CCBE1: variants seen among roughly 807,000 people sequenced by gnomAD.
CCBE1 encodes collagen and calcium binding EGF domains 1.
CCBE1 carries 37 observed loss-of-function variants against 50.0 expected under a neutral mutation model. That is an observed-to-expected ratio of 0.74 (90% CI 0.57 to 0.97). The LOEUF is 0.97. Ranked by LOEUF, CCBE1 falls within the 50% of genes least tolerant of loss-of-function variation. The probability of loss-of-function intolerance (pLI) is 0.00; values close to 1 mark genes in which losing one functional copy is unlikely to be tolerated. For missense variants in CCBE1, 538 were observed against 523.8 expected (o/e 1.03, Z -0.26); for synonymous variants, 234 against 203.7 (o/e 1.15, Z -1.27).
chr18:59,546,113 G>A (rs776438951), intron 2 of CCBE1, among the ~76,000 whole-genome samples: 4 of 152,200 alleles, frequency 2.6e-5, no homozygotes, highest in Admixed American at 1.3e-4. Flanking sequence ...TCACCAAAAC[G>A]TATGACATTC....
chr18:59,442,170 C>G (rs1302220812), intron 7 of CCBE1, among the ~76,000 whole-genome samples: 1 of 152,182 alleles, frequency 6.6e-6, no homozygotes. Flanking sequence ...CAACAACTAT[C>G]ATCAGACAGG....
intron 2 of CCBE1, among the ~76,000 whole-genome samples, chr18:59,574,217 C>A (rs143025586): frequency 0.016 from 2,390 of 152,280 alleles, 33 homozygotes; most frequent in Middle Eastern, 0.051. Flanking sequence ...CTAGATTAGA[C>A]CACAGTGATT....
At chr18:59,630,271 CAAA>C (rs34953722) in intron 2 of CCBE1, among the ~76,000 whole-genome samples, 28 of 139,834 alleles carry the variant, frequency 2.0e-4, no homozygotes, top group African/African-American at 6.7e-4. Context: ...GCCTTTTGGG[CAAA>C]AAAAAAAAAA....
chr18:59,573,302 TG>T, intron 2 of CCBE1, among the ~76,000 whole-genome samples: 1 of 121,212 alleles, frequency 8.3e-6, no homozygotes, highest in East Asian at 2.1e-4. Flanking sequence ...TATATATATA[TG>T]TATGTATGTG....
intron 6 of CCBE1, among the ~76,000 whole-genome samples, chr18:59,451,287 G>A (rs907478153): frequency 1.3e-5 from 2 of 151,988 alleles, no homozygotes; most frequent in Non-Finnish European, 2.9e-5. Context: ...CACCGAGGGA[G>A]GCCAAGCACA....
chr18:59,548,309 A>G (rs1297650636), intron 2 of CCBE1, among the ~76,000 whole-genome samples: 1 of 152,216 alleles, frequency 6.6e-6, no homozygotes, highest in Non-Finnish European at 1.5e-5. Flanking sequence ...CAATAAAATT[A>G]TATGGATACT....
intron 2 of CCBE1, among the ~76,000 whole-genome samples, chr18:59,566,290 G>T (rs1017415343): frequency 6.6e-6 from 1 of 152,104 alleles, no homozygotes; most frequent in African/African-American, 2.4e-5. Context: ...AAAGTCCCTG[G>T]GTCAGTCACT....
intron 2 of CCBE1, among the ~76,000 whole-genome samples, chr18:59,501,991 G>A (rs763919611): frequency 1.3e-5 from 2 of 152,110 alleles, no homozygotes; most frequent in African/African-American, 2.4e-5. Context: ...CACAGACAGC[G>A]TCTCCATATG....
At chr18:59,577,307 G>T (rs530080080) in intron 2 of CCBE1, among the ~76,000 whole-genome samples, 1 of 152,348 alleles carries the variant, frequency 6.6e-6, no homozygotes, top group African/African-American at 2.4e-5. Context: ...CCAGGCAGCA[G>T]TTCCAGCTGG....
chr18:59,552,554 A>AT (rs1251043878), intron 2 of CCBE1, among the ~76,000 whole-genome samples: 1 of 152,206 alleles, frequency 6.6e-6, no homozygotes, highest in African/African-American at 2.4e-5. Flanking sequence ...CCAAGTATCC[A>AT]TTTGCTGACT....
chr18:59,617,676 C>T (rs967581483), intron 2 of CCBE1, among the ~76,000 whole-genome samples: 2 of 152,312 alleles, frequency 1.3e-5, no homozygotes, highest in East Asian at 3.9e-4. Context: ...GGATACACAC[C>T]TTTTCCTGGA....
chr18:59,691,035 A>T (rs2054723801), intron 2 of CCBE1, among the ~76,000 whole-genome samples: 1 of 152,244 alleles, frequency 6.6e-6, no homozygotes, highest in South Asian at 2.1e-4. Flanking sequence ...AGGTCCAGTT[A>T]ATCTCTGGTT....
intron 2 of CCBE1, among the ~76,000 whole-genome samples, chr18:59,519,184 G>C (rs956889968): frequency 6.6e-6 from 1 of 152,120 alleles, no homozygotes; most frequent in African/African-American, 2.4e-5. Flanking sequence ...AGACAAAATG[G>C]GACCAGGTAG....
intron 2 of CCBE1, among the ~76,000 whole-genome samples, chr18:59,512,250 C>G (rs9947548): frequency 0.68 from 103,068 of 152,206 alleles, 36,020 homozygotes; most frequent in East Asian, 0.96. Flanking sequence ...GTCTAATTGA[C>G]CTGGTTAACA....
intron 2 of CCBE1, among the ~76,000 whole-genome samples, chr18:59,582,043 G>T (rs2053091537): frequency 6.6e-6 from 1 of 151,950 alleles, no homozygotes; most frequent in Admixed American, 6.6e-5. Flanking sequence ...CACCCCCCAG[G>T]TACAGGGCTC....
At chr18:59,487,180 C>T (rs568983494) in intron 2 of CCBE1, among the ~76,000 whole-genome samples, 3 of 149,654 alleles carry the variant, frequency 2.0e-5, no homozygotes, top group Non-Finnish European at 3.0e-5. Context: ...TGGAGACTTC[C>T]GAGACATAAA....
At chr18:59,563,678 T>C (rs974124941) in intron 2 of CCBE1, 5 of 152,178 alleles carry the variant, frequency 3.3e-5, no homozygotes, top group African/African-American at 1.2e-4. Flanking sequence ...AACACAGAAT[T>C]CTCATGCCAC....
At chr18:59,469,265 G>A (rs1012427433) in intron 4 of CCBE1, among the ~76,000 whole-genome samples, 3 of 152,160 alleles carry the variant, frequency 2.0e-5, no homozygotes, top group African/African-American at 7.2e-5. Context: ...TGCCAATTAG[G>A]ACCTTGCTGG....
intron 2 of CCBE1, among the ~76,000 whole-genome samples, chr18:59,581,917 G>A (rs1379038064): frequency 1.3e-5 from 2 of 152,148 alleles, no homozygotes; most frequent in African/African-American, 4.8e-5. Context: ...GTTCCATTTA[G>A]TGTTTTGGGT....
Sources: gnomAD v4.1 joint callset for allele counts (sites outside exome capture counted in the v4.1 genomes callset) on GRCh38, gnomAD v4.1.1 for gene constraint, MANE v1.5 for transcripts, NCBI Gene and HGNC (gene_info 2026-07-23, HGNC 2026-07-21) for gene names.